CEP72: variants seen among roughly 807,000 people sequenced by gnomAD.
The protein encoded by CEP72 is centrosomal protein of 72 kDa.
A neutral mutation model predicts 65.7 loss-of-function variants in CEP72; 78 were observed. That is an observed-to-expected ratio of 1.19 (90% CI 0.99 to 1.43). CEP72 has a LOEUF of 1.43. Among genes scored for constraint, CEP72 ranks in the 40% most tolerant of loss-of-function variants. CEP72 has a pLI of 0.00. For missense variants in CEP72, 914 were observed against 832.9 expected, an observed-to-expected ratio of 1.10 and a Z score of -1.20; for synonymous variants, 358 against 351.7, an observed-to-expected ratio of 1.02 and a Z score of -0.20.
At chr5:628,329 G>A (rs976422835) in intron 4 of CEP72, among the ~76,000 whole-genome samples, 1 of 152,258 alleles carries the variant, frequency 6.6e-6, no homozygotes, top group African/African-American at 2.4e-5. Flanking sequence ...GGACGCCCAA[G>A]GAACTATGCT....
intron 1 of CEP72, among the ~76,000 whole-genome samples, chr5:618,528 G>A (rs1736142900): frequency 6.6e-6 from 1 of 152,246 alleles, no homozygotes; most frequent in South Asian, 2.1e-4. Flanking sequence ...GAACCATTGA[G>A]GTGGGCCTGG....
chr5:635,595 G>T lies in CEP72; in HGVS notation c.904+11G>T, dbSNP rs79173767. 3 of 1,593,374 alleles carry T rather than the reference G, an allele frequency of 1.9e-6. No individual in the cohort carries two copies. The highest frequency in any genetic ancestry group is 2.6e-6 in the Non-Finnish European group (3 of 1,162,264). On this transcript the variant is annotated intron_variant, in intron 6 of 11. Transcript: ENST00000264935. ...TCACCCCACACCCAGGTACTTACGC[G>T]TGTCTTAGTCTGTTTTCTGTTGCTG...
At chr5:644,984 A>C (rs367642641) in intron 10 of CEP72, among the ~76,000 whole-genome samples, 2 of 150,744 alleles carry the variant, frequency 1.3e-5, no homozygotes, top group African/African-American at 4.9e-5. Context: ...AGATACCTGG[A>C]TTTTAAATAA....
chr5:664,644 C>T (rs79742881), intron 2 of CEP72: 2,655 of 169,096 alleles, frequency 0.016, 31 homozygotes, highest in Non-Finnish European at 0.025. Flanking sequence ...CCCACAGACA[C>T]CTCCCACGTC....
chr5:650,868 TG>T (rs759850196), intron 11 of CEP72, among the ~76,000 whole-genome samples: 1 of 770 alleles, frequency 1.3e-3, no homozygotes, highest in Admixed American at 9.3e-3. Flanking sequence ...CTGTGAGGCG[TG>T]GACTGTGAGG....
At chr5:665,226 C>A in exon 3 of CEP72, 1 of 1,613,864 alleles carries the variant, frequency 6.2e-7, no homozygotes, top group Non-Finnish European at 8.5e-7. Flanking sequence ...GGGGTCGAAG[C>A]GCTCCTTGTG....
At position 644,230 on chromosome 5, in the gene CEP72, A is replaced by G. The variant is rs1012102159; in HGVS notation, c.1540-69A>G. 4 of 1,550,584 alleles carry G rather than the reference A, an allele frequency of 2.6e-6. No individual in the cohort carries two copies. The Admixed American group carries it at 7.2e-5, about 28-fold the overall frequency. On this transcript the variant is annotated intron_variant, in intron 9 of 11. Transcript: ENST00000264935. ...AACCCTCTGGGGATTCTCAGGTTTC[A>G]GTTTTACTTTCTATACGCATTTTAC...
At chr5:637,984 T>C (rs753873835) in intron 7 of CEP72, among the ~76,000 whole-genome samples, 166 bp downstream of exon 7, 4 of 152,040 alleles carry the variant, frequency 2.6e-5, no homozygotes, top group Non-Finnish European at 4.4e-5. Context: ...ACTGACCGTG[T>C]CCCTCCCTGA....
At chr5:668,397 T>TGCAGATGGA (rs1561082205), downstream of CEP72, among the ~76,000 whole-genome samples, 2 of 99,360 alleles carry the variant, frequency 2.0e-5, no homozygotes, top group Admixed American at 9.6e-5. Context: ...GTCAGGGAAG[T>TGCAGATGGA]ACCGACAAGC....
intron 9 of CEP72, chr5:643,564 C>T (rs1333099978): frequency 3.0e-6 from 3 of 985,306 alleles, no homozygotes; most frequent in Non-Finnish European, 3.6e-6. Flanking sequence ...GAGGCTTCTG[C>T]TGCACAGACT....
chr5:647,735 G>A (rs1157649710), intron 10 of CEP72, 70 bp from the exon 11 acceptor site: 3 of 1,007,216 alleles, frequency 3.0e-6, no homozygotes, highest in South Asian at 1.4e-5. Flanking sequence ...ATGTAGAATT[G>A]TTTTCATTTT....
chr5:671,894 G>A (rs1187592195), downstream of CEP72, among the ~76,000 whole-genome samples: 2 of 152,174 alleles, frequency 1.3e-5, no homozygotes, highest in Non-Finnish European at 2.9e-5. Context: ...CCCTTCCCCC[G>A]GGCTGGGTAC....
intron 5 of CEP72, 52 bp downstream of exon 5, chr5:633,999 A>G (rs756593656): frequency 5.1e-6 from 8 of 1,555,716 alleles, no homozygotes; most frequent in Admixed American, 1.7e-5. Flanking sequence ...TCTGGGATAT[A>G]TATAGTCGTT....
At chr5:651,634 C>A (rs1218664466) in intron 11 of CEP72, among the ~76,000 whole-genome samples, 1 of 151,964 alleles carries the variant, frequency 6.6e-6, no homozygotes, top group Non-Finnish European at 1.5e-5. Flanking sequence ...AAGGCAGAAT[C>A]TTAGTTTGTC....
rs1323305855 is a variant in CEP72, at chr5:635,378, G to A, written c.698G>A (p.Arg233Lys). Residue 233 changes from arginine (R) to lysine (K), a missense_variant, in exon 6 of 12, where the codon AGA (arginine) becomes AAA (lysine). Physicochemically the swap from Arg to Lys is conservative, Grantham distance 26. Transcript: ENST00000264935. ...EADSRGSQESRHLLSPQLVQY... is the reference protein window; with the variant it reads ...EADSRGSQESKHLLSPQLVQY... ...ATTTACAATATTTTAATAGAATCCA[G>A]ACATCTGTTGAGCCCGCAGTTGGTA... The A allele has an allele frequency of 3.7e-6, 6 of 1,602,988 alleles. No homozygotes were observed. The highest frequency in any genetic ancestry group is 5.1e-6 in the Non-Finnish European group (6 of 1,171,258).
chr5:635,134 T>C (rs1235659755), intron 5 of CEP72, among the ~76,000 whole-genome samples: 1 of 152,204 alleles, frequency 6.6e-6, no homozygotes, highest in African/African-American at 2.4e-5. Context: ...CTCCACTTCA[T>C]GCGGCTGGAT....
At chr5:654,422 G>T (rs117791097), downstream of CEP72, among the ~76,000 whole-genome samples, 28 of 151,402 alleles carry the variant, frequency 1.8e-4, no homozygotes, top group East Asian at 4.3e-3. Flanking sequence ...TGTGCTAGCT[G>T]TGTGTGTCTG....
chr5:643,480 C>T (rs1226991615), intron 9 of CEP72: 3 of 985,234 alleles, frequency 3.0e-6, no homozygotes, highest in Non-Finnish European at 1.2e-6. Flanking sequence ...CTGGCGGGTG[C>T]ATGCATGCTG....
rs1486571814 is a variant in CEP72, at chr5:620,184, G to A, written c.326G>A (p.Arg109Gln). The A allele has an allele frequency of 6.8e-6, 11 of 1,614,178 alleles. No homozygotes were observed. The highest frequency in any genetic ancestry group is 2.2e-5 in the East Asian group (1 of 44,882). ...ACCGAGCTCGTGGATGTGGACTTCC[G>A]GCTGAACCCCGTGGTGAAGGTTGAG... is the stretch of plus-strand genomic sequence containing the variant. ...ALTELVDVDF[R>Q]LNPVVKVEPD... The change falls in exon 3 of 12, where the codon CGG becomes CAG. Residue 109 changes from arginine to glutamine, a missense_variant. Physicochemically the swap from Arg to Gln is conservative, Grantham distance 43 (BLOSUM62 1). Transcript: ENST00000264935.
Sources: allele counts gnomAD v4.1 joint callset (sites outside exome capture counted in the v4.1 genomes callset), GRCh38; gene constraint gnomAD v4.1.1; transcripts MANE v1.5; gene names NCBI Gene and HGNC (gene_info 2026-07-23, HGNC 2026-07-21).